PASK: variants seen among roughly 807,000 people sequenced by gnomAD.
PASK encodes the protein PAS domain containing serine/threonine kinase, also known as PAS domain-containing serine/threonine-protein kinase.
Under a neutral mutation model 121.0 loss-of-function variants are expected in PASK, and 110 were observed. The ratio of observed to expected loss-of-function variants is 0.91; its 90% CI spans 0.78 to 1.06. The LOEUF is 1.06. Among genes scored for constraint, PASK ranks in the 50% least tolerant of loss-of-function variants. PASK has a pLI of 0.00. For synonymous variants in PASK, 686 were observed against 717.8 expected (o/e 0.96, Z 0.71); for missense variants, 1,643 against 1,702.3 (o/e 0.97, Z 0.61).
intron 9 of PASK, among the ~76,000 whole-genome samples, chr2:241,128,824 C>T (rs2065993174): frequency 6.6e-6 from 1 of 151,786 alleles, no homozygotes; most frequent in Admixed American, 6.6e-5. Context: ...GTGATCGCAC[C>T]ACTGCACTCC....
At chr2:241,123,441 GT>G (rs2065715008) in intron 11 of PASK, among the ~76,000 whole-genome samples, 1 of 151,992 alleles carries the variant, frequency 6.6e-6, no homozygotes, top group South Asian at 2.1e-4. Flanking sequence ...GCCTCCCAAA[GT>G]GCTGGGATTA....
At chr2:241,132,458 AATGCAAT>A (rs1224892961) in intron 9 of PASK, among the ~76,000 whole-genome samples, 6 of 137,042 alleles carry the variant, frequency 4.4e-5, no homozygotes, top group South Asian at 5.2e-4. Flanking sequence ...CGGAGCTTGC[AATGCAAT>A]GAGCAATGAG....
chr2:241,111,122 C>G (rs2065093844), intron 15 of PASK, among the ~76,000 whole-genome samples: 1 of 152,234 alleles, frequency 6.6e-6, no homozygotes, highest in African/African-American at 2.4e-5. Flanking sequence ...CCCAGCCACT[C>G]CTCTCCCCAA....
intron 9 of PASK, among the ~76,000 whole-genome samples, chr2:241,132,395 A>AGT (rs1360706560): frequency 6.6e-6 from 1 of 151,832 alleles, no homozygotes; most frequent in Non-Finnish European, 1.5e-5. Flanking sequence ...GGGCGCCTGT[A>AGT]GTCCCCAGCT....
intron 4 of PASK, among the ~76,000 whole-genome samples, chr2:241,139,182 A>G (rs1251038443): frequency 6.6e-6 from 1 of 152,214 alleles, no homozygotes. Context: ...ACATCAGTTC[A>G]GTTCAAGCAA....
chr2:241,149,754 G>A (rs1441100271), upstream of PASK: 2 of 1,540,858 alleles, frequency 1.3e-6, no homozygotes, highest in African/African-American at 1.4e-5. Context: ...TTCTGAAGGC[G>A]GAGGACGCGG....
chr2:241,143,000 C>T lies in PASK; in HGVS notation c.33G>A (p.Glu11=), dbSNP rs775653134. 6.2e-6 allele frequency: 10 copies of T among 1,614,024 alleles called. No individual in the cohort carries two copies. The South Asian group carries it at 1.1e-4, about 18-fold the overall frequency. MEDGGLTAFE[E]DQRCLSQSLP... is the part of the protein sequence containing the mutation. ...GGCTCTGGGAAAGGCATCTCTGGTC[C>T]TCTTCAAAGGCTGTTAAGCCCCCGT... is the stretch of plus-strand genomic sequence containing the variant. Residue 11 remains glutamate (E), a synonymous_variant, in exon 2 of 18, where the codon GAG becomes GAA. Coordinates refer to ENST00000234040, the MANE Select transcript of PASK (RefSeq NM_015148.4).
intron 9 of PASK, among the ~76,000 whole-genome samples, chr2:241,131,868 A>G (rs2066150423): frequency 6.6e-6 from 1 of 152,066 alleles, no homozygotes; most frequent in Non-Finnish European, 1.5e-5. Flanking sequence ...AGTCTGGCCA[A>G]CATAGTGAAA....
upstream of PASK, chr2:241,150,308 T>C (rs2072655): frequency 0.014 from 19,303 of 1,335,278 alleles, 1,368 homozygotes; most frequent in East Asian, 0.23. Flanking sequence ...TTACCTGCTC[T>C]GGGGGAGGCG....
Position 241,128,686 on chromosome 2 carries a change from G to A in PASK, c.1464-1235C>T, listed in dbSNP as rs144055354. On this transcript the variant is annotated intron_variant, in intron 9 of 17. Coordinates refer to ENST00000234040, the MANE Select transcript of PASK (RefSeq NM_015148.4). ...GTTCGAGACCAGCCTGGGCAACATA[G>A]TGAGACCTCGTCTCTACAAAACATT... Among the ~76,000 whole-genome samples the A allele has an allele frequency of 9.7e-3, 1,472 of 152,252 alleles. 65 individuals are homozygous for A. Among genetic ancestry groups the A allele is most frequent in the Admixed American group, 0.084 (1,287 of 15,296 alleles).
intron 14 of PASK, 44 bp downstream of exon 14, chr2:241,114,999 C>G: frequency 6.2e-7 from 1 of 1,613,850 alleles, no homozygotes; most frequent in Middle Eastern, 1.7e-4. Context: ...GACCCAGGCA[C>G]CCAGGCCTGC....
chr2:241,143,508 A>G (rs1440543713), intron 1 of PASK, among the ~76,000 whole-genome samples: 1 of 151,732 alleles, frequency 6.6e-6, no homozygotes, highest in Non-Finnish European at 1.5e-5. Context: ...CCGAGATCAC[A>G]CCACTGCACT....
At chr2:241,116,289 C>T (rs1022645715) in intron 12 of PASK, among the ~76,000 whole-genome samples, 12 of 152,226 alleles carry the variant, frequency 7.9e-5, no homozygotes, top group African/African-American at 2.9e-4. Context: ...AAGTGATAAA[C>T]GCCTGCAGCA....
chr2:241,122,386 G>A (rs2065651931), intron 12 of PASK, among the ~76,000 whole-genome samples: 1 of 152,200 alleles, frequency 6.6e-6, no homozygotes, highest in Non-Finnish European at 1.5e-5. Context: ...CGTGAGATAT[G>A]AGCATCTCAG....
In PASK at chr2:241,108,103, G is replaced by GA. The variant is rs900351327; in HGVS notation, c.3667+63dup. 9.8e-5 allele frequency: 151 copies of GA among 1,542,542 alleles called. No individual in the cohort carries two copies. Among genetic ancestry groups the GA allele is most frequent in the Non-Finnish European group, 1.2e-4 (136 of 1,115,496 alleles). ...GATACACTGAGGAATGAGGAAATGG[G>GA]AAAAAAAAGTGGCTGGTCTCTAAGG... On this transcript the variant is annotated intron_variant, in intron 16 of 17. Transcript: ENST00000234040. The surrounding 1 kb of genome is among the most constrained non-coding windows in gnomAD (Gnocchi z 5.2).
intron 12 of PASK, among the ~76,000 whole-genome samples, chr2:241,117,796 T>C (rs1422290747): frequency 6.6e-6 from 1 of 152,172 alleles, no homozygotes; most frequent in African/African-American, 2.4e-5. Flanking sequence ...CACTAAAATA[T>C]GAGAGAAAAA....
At chr2:241,149,591 G>A, upstream of PASK, 1 of 1,483,438 alleles carries the variant, frequency 6.7e-7, no homozygotes, top group East Asian at 2.5e-5. Flanking sequence ...CCGCGCTAAG[G>A]GTTGCTAGGG....
intron 4 of PASK, 35 bp from the exon 5 acceptor site, chr2:241,138,829 T>C: frequency 6.2e-7 from 1 of 1,612,350 alleles, no homozygotes; most frequent in Non-Finnish European, 8.5e-7. Flanking sequence ...CTGCATGCCA[T>C]GAACCCAAAA....
In PASK at chr2:241,112,688, G is replaced by T; in HGVS notation, c.3334-249C>A. 2.1e-6 allele frequency: 1 copy of T among 465,976 alleles called. No homozygotes were observed. Among genetic ancestry groups the T allele is most frequent in the East Asian group, 4.3e-5 (1 of 23,120 alleles). 28.9% of individuals were successfully genotyped at this position (465,976 alleles called of 1,614,324 possible). On this transcript the variant is annotated intron_variant, in intron 14 of 17. Coordinates refer to ENST00000234040, the MANE Select transcript of PASK (RefSeq NM_015148.4). This position sits in a 1 kb window ranked among gnomAD's most constrained non-coding sequence, Gnocchi z 5.2. ...CAAGGTGGCAACATCAATGAGACTC[G>T]TGAGTTCTGTTTGCTGCTGAGAAAA... is the stretch of plus-strand genomic sequence containing the variant.
Sources: gnomAD v4.1 joint callset for allele counts (sites outside exome capture counted in the v4.1 genomes callset) on GRCh38, gnomAD v4.1.1 for gene constraint, Gnocchi (gnomAD v3.1) non-coding constraint, MANE v1.5 for transcripts, NCBI Gene and HGNC (gene_info 2026-07-23, HGNC 2026-07-21) for gene names.